SYNE2: variants seen among roughly 807,000 people sequenced by gnomAD.
SYNE2 encodes the protein nesprin-2.
Under a neutral mutation model 856.3 loss-of-function variants are expected in SYNE2, and 431 were observed. The ratio of observed to expected loss-of-function variants is 0.50; its 90% CI spans 0.47 to 0.55. The LOEUF is 0.55. SYNE2 is among the 20% of genes least tolerant of loss of function. The pLI is 0.00. For synonymous variants in SYNE2, 2,923 were observed against 2,872.3 expected (o/e 1.02, Z -0.56); for missense variants, 8,129 against 8,023.2 (o/e 1.01, Z -0.50).
chr14:63,949,988 C>T lies in SYNE2; in HGVS notation c.572C>T (p.Ala191Val), dbSNP rs1395041331. Residue 191 changes from alanine (A) to valine (V), a missense_variant, in exon 7 of 116, where the codon GCT becomes GTT. By Grantham distance (64) the Ala-to-Val change is moderately conservative (BLOSUM62 0). Transcript: ENST00000555002. ...GCAAGAAAGGCCCTTCTTTTGTGGG[C>T]TCAGGAACAATGCGCCACGTAAGTA... is the stretch of plus-strand genomic sequence containing the variant. ...MSARKALLLW[A>V]QEQCATYESV... 2 of 1,613,968 alleles carry T rather than the reference C, an allele frequency of 1.2e-6. No homozygotes were observed. The highest frequency in any genetic ancestry group is 1.7e-6 in the Non-Finnish European group (2 of 1,180,008).
At chr14:64,173,928 A>G (rs763287363) in intron 94 of SYNE2, 4 of 697,064 alleles carry the variant, frequency 5.7e-6, no homozygotes, top group Non-Finnish European at 2.6e-6. Context: ...GTGGTGGCGC[A>G]TCTCTTAAAA....
intron 99 of SYNE2, among the ~76,000 whole-genome samples, chr14:64,194,534 G>A (rs1194550811): frequency 6.6e-6 from 1 of 152,064 alleles, no homozygotes; most frequent in African/African-American, 2.4e-5. Flanking sequence ...TGAGCTCCTG[G>A]GCTCAAGTTA....
At chr14:63,983,602 C>T in intron 17 of SYNE2, 135 bp from the exon 18 acceptor site, 3 of 735,900 alleles carry the variant, frequency 4.1e-6, no homozygotes, top group Non-Finnish European at 6.7e-6. Context: ...ATGTGAAATG[C>T]TCATATTTTA....
chr14:64,182,880 G>A (rs1397331678), intron 96 of SYNE2, among the ~76,000 whole-genome samples: 3 of 152,214 alleles, frequency 2.0e-5, no homozygotes, highest in South Asian at 2.1e-4. Context: ...ATCATGGCCC[G>A]TTCTTAATGA....
In SYNE2 at chr14:63,954,809, A is replaced by G. The variant is rs757292154; in HGVS notation, c.681A>G (p.Leu227=). The G allele has an allele frequency of 2.5e-6, 4 of 1,614,074 alleles. No individual in the cohort carries two copies. The South Asian group carries it at 4.4e-5, about 18-fold the overall frequency. The change falls in exon 8 of 116, where the codon CTA becomes CTG. Residue 227 remains leucine (L), a synonymous_variant. Transcript: ENST00000555002. ...LAIIHALRPD[L]IDMKSVKHRS... is the part of the protein sequence containing the mutation. Reference sequence around the variant, plus strand: ...TCATTCATGCCTTGCGACCAGACCTAATTGACATGAAGAGTGTGAAGCATA... The same window carrying G: ...TCATTCATGCCTTGCGACCAGACCTGATTGACATGAAGAGTGTGAAGCATA...
intron 28 of SYNE2, 115 bp downstream of exon 28, chr14:64,000,834 C>A: frequency 1.1e-6 from 1 of 950,926 alleles, no homozygotes; most frequent in African/African-American, 1.6e-5. Context: ...GATGTCACAA[C>A]AACAGTAAGA....
intron 1 of SYNE2, among the ~76,000 whole-genome samples, chr14:63,805,573 G>C (rs1325213919): frequency 2.0e-5 from 3 of 152,070 alleles, no homozygotes; most frequent in African/African-American, 7.2e-5. Context: ...ATTTTTGGTA[G>C]AGACGGGGTT....
chr14:63,955,955 A>T (rs1255876), intron 8 of SYNE2, among the ~76,000 whole-genome samples: 103,324 of 152,086 alleles, frequency 0.68, 35,350 homozygotes, highest in South Asian at 0.78. Flanking sequence ...AGAACTTCAT[A>T]TGTTCTTCAA....
chr14:64,010,522 T>C (rs563649050), intron 32 of SYNE2, among the ~76,000 whole-genome samples: 1 of 152,342 alleles, frequency 6.6e-6, no homozygotes, highest in East Asian at 1.9e-4. Context: ...TTACTGATTT[T>C]CTGTGAAGAT....
At chr14:63,824,491 C>T (rs1889342618) in intron 1 of SYNE2, among the ~76,000 whole-genome samples, 1 of 151,460 alleles carries the variant, frequency 6.6e-6, no homozygotes, top group Middle Eastern at 3.2e-3. Context: ...ACACAAAAAT[C>T]AGCTGGGTGT....
chr14:63,892,716 C>T (rs1595475772), intron 1 of SYNE2, among the ~76,000 whole-genome samples: 1 of 140,792 alleles, frequency 7.1e-6, no homozygotes. Flanking sequence ...AAAATAAATC[C>T]TTGGTGTACT....
At chr14:63,938,927 CATGTGCGTGT>C (rs1469930646) in intron 2 of SYNE2, among the ~76,000 whole-genome samples, 28 of 147,070 alleles carry the variant, frequency 1.9e-4, no homozygotes, top group Admixed American at 1.1e-3. Context: ...GTCTAGAGTG[CATGTGCGTGT>C]GTGTGCGTGT....
At chr14:64,168,004 G>A (rs1443663182) in intron 92 of SYNE2, among the ~76,000 whole-genome samples, 1 of 152,078 alleles carries the variant, frequency 6.6e-6, no homozygotes, top group African/African-American at 2.4e-5. Context: ...TAAAGCACCT[G>A]GTATAATTAT....
intron 11 of SYNE2, among the ~76,000 whole-genome samples, chr14:63,976,218 C>A (rs941725508): frequency 6.6e-6 from 1 of 152,192 alleles, no homozygotes; most frequent in Non-Finnish European, 1.5e-5. Flanking sequence ...TACGGCATTT[C>A]AAATGATGGT....
intron 83 of SYNE2, among the ~76,000 whole-genome samples, chr14:64,145,078 C>T (rs969790390): frequency 6.6e-5 from 10 of 151,836 alleles, no homozygotes; most frequent in East Asian, 2.0e-4. Context: ...ACATGCCTGC[C>T]GCCACGCCTA....
At chr14:64,013,958 C>A (rs1260841245) in intron 32 of SYNE2, among the ~76,000 whole-genome samples, 1 of 152,026 alleles carries the variant, frequency 6.6e-6, no homozygotes, top group African/African-American at 2.4e-5. Flanking sequence ...ATTTTTGTCA[C>A]CACAAGGATT....
At chr14:63,975,549 G>A (rs888045348) in intron 11 of SYNE2, among the ~76,000 whole-genome samples, 1 of 152,064 alleles carries the variant, frequency 6.6e-6, no homozygotes, top group African/African-American at 2.4e-5. Context: ...GCCCAAGCTG[G>A]TCTTGAACTC....
At chr14:63,963,787 A>G (rs948573415) in intron 9 of SYNE2, 112 bp from the exon 10 acceptor site, 4 of 717,624 alleles carry the variant, frequency 5.6e-6, no homozygotes, top group Non-Finnish European at 1.0e-5. Flanking sequence ...ATAATGAATC[A>G]TTGGTGTGTA....
At chr14:63,845,416 C>CAA (rs34474637) in intron 1 of SYNE2, among the ~76,000 whole-genome samples, 1 of 113,302 alleles carries the variant, frequency 8.8e-6, no homozygotes, top group South Asian at 2.7e-4. Context: ...AACTCTGTCT[C>CAA]AAAAAAAAAA....
Sources: gnomAD v4.1 joint callset for allele counts (sites outside exome capture counted in the v4.1 genomes callset) on GRCh38, gnomAD v4.1.1 for gene constraint, MANE v1.5 for transcripts, NCBI Gene and HGNC (gene_info 2026-07-23, HGNC 2026-07-21) for gene names.